Variants in UNC13B observed in about 807,000 individuals in gnomAD.
UNC13B encodes protein unc-13 homolog B.
Under a neutral mutation model 211.0 loss-of-function variants are expected in UNC13B, and 144 were observed. The observed-to-expected ratio is 0.68, with a 90% CI of 0.60 to 0.78. The LOEUF is 0.78. Among genes scored for constraint, UNC13B ranks in the 30% least tolerant of loss-of-function variants. UNC13B has a pLI of 0.00. For missense variants in UNC13B, 1,777 were observed against 2,002.0 expected (o/e 0.89, Z 2.14); for synonymous variants, 709 against 725.8 (o/e 0.98, Z 0.37).
intron 1 of UNC13B, among the ~76,000 whole-genome samples, chr9:35,225,612 GT>G (rs150228357): frequency 6.6e-6 from 1 of 152,088 alleles, no homozygotes; most frequent in East Asian, 1.9e-4. Flanking sequence ...TTCTGGGTGG[GT>G]GCAGTAGTGT....
At chr9:35,359,886 C>T (rs944741323) in intron 11 of UNC13B, among the ~76,000 whole-genome samples, 1 of 152,102 alleles carries the variant, frequency 6.6e-6, no homozygotes, top group Non-Finnish European at 1.5e-5. Flanking sequence ...AGAGTAATCC[C>T]CATAGAGCAT....
At chr9:35,205,861 G>A (rs11496463) in intron 1 of UNC13B, among the ~76,000 whole-genome samples, 20,427 of 152,082 alleles carry the variant, frequency 0.13, 1,714 homozygotes, top group Admixed American at 0.24. Flanking sequence ...ATGAACATTT[G>A]TGTATAAAAT....
chr9:35,282,452 G>T (rs746676574), intron 7 of UNC13B, among the ~76,000 whole-genome samples: 1 of 151,492 alleles, frequency 6.6e-6, no homozygotes, highest in Non-Finnish European at 1.5e-5. Context: ...TTTGTTTTTG[G>T]GATAGTCTCA....
chr9:35,285,234 G>A (rs947114816), intron 7 of UNC13B, among the ~76,000 whole-genome samples: 7 of 152,162 alleles, frequency 4.6e-5, no homozygotes, highest in Non-Finnish European at 8.8e-5. Flanking sequence ...TAGCACAGGA[G>A]TATTATTCTT....
At chr9:35,187,124 T>C (rs779310520) in intron 1 of UNC13B, among the ~76,000 whole-genome samples, 1 of 152,180 alleles carries the variant, frequency 6.6e-6, no homozygotes, top group Admixed American at 6.6e-5. Flanking sequence ...AATAGTAAAG[T>C]GAGTATAGCA....
chr9:35,251,174 C>A (rs993786501), intron 6 of UNC13B, among the ~76,000 whole-genome samples: 1 of 151,978 alleles, frequency 6.6e-6, no homozygotes, highest in African/African-American at 2.4e-5. Flanking sequence ...CCGTGTTAGC[C>A]AGGACGGTCT....
rs1449646237 is a variant in UNC13B, at chr9:35,397,655, G to A, written c.11697G>A (p.Met3899Ile). 1 of 1,613,932 alleles carries A rather than the reference G, an allele frequency of 6.2e-7. No homozygotes were observed. The highest frequency in any genetic ancestry group is 8.5e-7 in the Non-Finnish European group (1 of 1,179,956). The part of the protein sequence containing the change: ...RFAKTIGKVL[M>I]QYADILSKDF... ...CTCAGACCATCGGGAAGGTGCTGAT[G>A]CAGTATGCAGACATCTTGTCAAAGG... The change falls in exon 30 of 40, where the codon ATG becomes ATA. Residue 3899 changes from methionine (M) to isoleucine (I), a missense_variant. Met to Ile is a conservative substitution (Grantham distance 10). Coordinates refer to ENST00000635942, the MANE Select transcript of UNC13B (RefSeq NM_001371189.2).
intron 6 of UNC13B, among the ~76,000 whole-genome samples, chr9:35,249,160 A>G (rs1351732049): frequency 2.0e-5 from 3 of 152,036 alleles, no homozygotes; most frequent in African/African-American, 7.2e-5. Flanking sequence ...CTGTTTTATC[A>G]GAGACTAGGA....
At chr9:35,371,721 G>A (rs990092340) in intron 13 of UNC13B, among the ~76,000 whole-genome samples, 3 of 151,832 alleles carry the variant, frequency 2.0e-5, no homozygotes, top group African/African-American at 4.8e-5. Context: ...TGGCTTTATG[G>A]CATAATACTC....
At chr9:35,353,847 C>G in intron 11 of UNC13B, 1 of 1,209,848 alleles carries the variant, frequency 8.3e-7, no homozygotes. Flanking sequence ...TCCCAGCTGG[C>G]TAAAGTATGA....
chr9:35,285,935 T>C (rs1161931585), intron 7 of UNC13B, among the ~76,000 whole-genome samples: 1 of 152,200 alleles, frequency 6.6e-6, no homozygotes, highest in African/African-American at 2.4e-5. Flanking sequence ...TTTCAAAGTA[T>C]TGGGAGTTTG....
At chr9:35,314,519 G>A (rs377070177) in intron 11 of UNC13B, among the ~76,000 whole-genome samples, 2 of 152,158 alleles carry the variant, frequency 1.3e-5, no homozygotes, top group African/African-American at 4.8e-5. Context: ...TGTGTGTTAG[G>A]AGGTAGGCAG....
chr9:35,356,977 A>G (rs1471247052), intron 11 of UNC13B, among the ~76,000 whole-genome samples: 2 of 152,184 alleles, frequency 1.3e-5, no homozygotes, highest in Non-Finnish European at 2.9e-5. Context: ...TTTTAAATCC[A>G]TCAGTTGGCG....
chr9:35,336,638 C>G (rs1346604592), intron 11 of UNC13B, among the ~76,000 whole-genome samples: 2 of 152,088 alleles, frequency 1.3e-5, no homozygotes, highest in Non-Finnish European at 2.9e-5. Flanking sequence ...TCCCAAGTAG[C>G]TGGTGGAAGG....
intron 11 of UNC13B, among the ~76,000 whole-genome samples, chr9:35,320,131 G>A (rs1256217655): frequency 6.6e-6 from 1 of 152,094 alleles, no homozygotes; most frequent in African/African-American, 2.4e-5. Context: ...TCTTTATCCA[G>A]TCCACTGTTG....
intron 22 of UNC13B, chr9:35,385,042 G>C: frequency 1.0e-6 from 1 of 985,394 alleles, no homozygotes; most frequent in Non-Finnish European, 1.2e-6. Context: ...ACAGCTGACT[G>C]TATATCTTAT....
chr9:35,403,554 C>T lies in UNC13B; in HGVS notation c.12692C>T (p.Ser4231Phe). ...SDKKRKFTTK[S>F]KSNNWAPKYN... Reference sequence around the variant, plus strand: ...AAGAAGAGGAAGTTCACAACCAAATCCAAAAGCAACAACTGGGCCCCCAAG... The same window carrying T: ...AAGAAGAGGAAGTTCACAACCAAATTCAAAAGCAACAACTGGGCCCCCAAG... The change falls in exon 39 of 40, where the codon TCC becomes TTC. Residue 4231 changes from serine to phenylalanine, a missense_variant. Physicochemically the swap from Ser to Phe is radical, Grantham distance 155. Coordinates refer to ENST00000635942, the MANE Select transcript of UNC13B (RefSeq NM_001371189.2). The T allele has an allele frequency of 6.2e-7, 1 of 1,612,986 alleles. No homozygotes were observed.
chr9:35,227,633 A>G (rs1392732885), intron 1 of UNC13B, among the ~76,000 whole-genome samples: 1 of 152,182 alleles, frequency 6.6e-6, no homozygotes, highest in Non-Finnish European at 1.5e-5. Context: ...CTGGCCTGTT[A>G]TGCTCTTCTT....
At position 35,162,240 on chromosome 9, in the gene UNC13B, C is replaced by T. The variant is rs1158106973; in HGVS notation, c.-44C>T. ...CTGCTGAGAGGAAAGAGGGAGCGGTCCGGCGCGGCTGGGGCGCGGCAGAGG... is the reference window on the plus strand; with the variant it reads ...CTGCTGAGAGGAAAGAGGGAGCGGTTCGGCGCGGCTGGGGCGCGGCAGAGG... On this transcript the variant is annotated 5_prime_UTR_variant, in exon 1 of 40. Coordinates refer to ENST00000635942, the MANE Select transcript of UNC13B (RefSeq NM_001371189.2). The T allele has an allele frequency of 1.7e-5, 26 of 1,542,212 alleles. No homozygotes were observed. Among genetic ancestry groups the T allele is most frequent in the Non-Finnish European group, 2.1e-5 (24 of 1,146,732 alleles).
Sources: gnomAD v4.1 joint callset for allele counts (sites outside exome capture counted in the v4.1 genomes callset) on GRCh38, gnomAD v4.1.1 for gene constraint, MANE v1.5 for transcripts, NCBI Gene and HGNC (gene_info 2026-07-23, HGNC 2026-07-21) for gene names.